Variants in RIPOR2 observed in about 807,000 individuals in gnomAD.
RIPOR2 encodes RHO family interacting cell polarization regulator 2.
A neutral mutation model predicts 114.5 loss-of-function variants in RIPOR2; 39 were observed. The observed-to-expected ratio is 0.34, with a 90% CI of 0.26 to 0.44. The LOEUF is 0.44. Ranked by LOEUF, RIPOR2 falls within the 20% of genes least tolerant of loss-of-function variation. RIPOR2 has a pLI of 1.00. For missense variants in RIPOR2, 1,007 were observed against 1,255.1 expected (o/e 0.80, Z 2.99); for synonymous variants, 445 against 484.4 (o/e 0.92, Z 1.07).
At chr6:24,868,915 C>T (rs1017541863) in intron 6 of RIPOR2, among the ~76,000 whole-genome samples, 179 bp downstream of exon 6, 1 of 152,188 alleles carries the variant, frequency 6.6e-6, no homozygotes, top group African/African-American at 2.4e-5. Flanking sequence ...GGCCATCAGG[C>T]CTTCCATTCT....
At chr6:24,958,931 G>A (rs1355724689) in intron 1 of RIPOR2, among the ~76,000 whole-genome samples, 3 of 145,912 alleles carry the variant, frequency 2.1e-5, no homozygotes, top group African/African-American at 7.7e-5. Flanking sequence ...TTGGTTTGTA[G>A]ATGCACCACT....
chr6:24,847,241 C>A (rs575634769), intron 12 of RIPOR2, among the ~76,000 whole-genome samples: 1 of 152,304 alleles, frequency 6.6e-6, no homozygotes, highest in South Asian at 2.1e-4. Context: ...GCGTGAGCCA[C>A]CATGCTGGGC....
chr6:24,848,713 A>G (rs1762561820), intron 11 of RIPOR2, among the ~76,000 whole-genome samples: 1 of 152,198 alleles, frequency 6.6e-6, no homozygotes, highest in Non-Finnish European at 1.5e-5. Flanking sequence ...CATGTGAGAC[A>G]TCAATGACTG....
intron 1 of RIPOR2, among the ~76,000 whole-genome samples, chr6:24,922,559 T>A (rs576752842): frequency 1.8e-4 from 28 of 151,826 alleles, no homozygotes; most frequent in Admixed American, 4.6e-4. Flanking sequence ...ACTCTTTTTT[T>A]AAAAAAAATG....
chr6:24,951,410 C>CAT (rs1772753539), intron 1 of RIPOR2, among the ~76,000 whole-genome samples: 1 of 152,170 alleles, frequency 6.6e-6, no homozygotes, highest in East Asian at 1.9e-4. Flanking sequence ...GCTGTCTTTG[C>CAT]ATGGTGTTGT....
chr6:24,835,500 G>C lies in RIPOR2; in HGVS notation c.2208+203C>G, dbSNP rs556508603. The stretch of plus-strand genomic sequence containing the variant: ...TGCCACCTACTACTGTGAAGGTCTG[G>C]AGAGTTAGGTTCGAAGATGAAAAAC... On this transcript the variant is annotated intron_variant, in intron 15 of 21. Transcript: ENST00000643898. 3.9e-5 allele frequency among the ~76,000 whole-genome samples: 6 copies of C among 152,272 alleles called. No individual in the cohort carries two copies. In the South Asian group the frequency reaches 1.2e-3, roughly 32 times the overall value.
intron 1 of RIPOR2, among the ~76,000 whole-genome samples, chr6:24,953,822 G>A (rs566482374): frequency 1.1e-4 from 17 of 152,234 alleles, no homozygotes; most frequent in Non-Finnish European, 1.8e-4. Context: ...CTGTCTCCTC[G>A]TCATCAAACC....
chr6:24,856,553 G>A lies in RIPOR2; in HGVS notation c.716-3935C>T, dbSNP rs76560957. ...GCGGATCACCTGAGGTCAGGAGTTC[G>A]TGACCAGCCTGGCTAACATGGAGAA... On this transcript the variant is annotated intron_variant, in intron 8 of 21. Coordinates refer to ENST00000643898, the MANE Select transcript of RIPOR2 (RefSeq NM_001286445.3). Among the ~76,000 whole-genome samples the A allele has an allele frequency of 3.9e-5, 6 of 152,092 alleles. No individual in the cohort carries two copies. The East Asian group carries it at 1.2e-3, about 29-fold the overall frequency.
At chr6:24,835,441 C>G (rs966110004) in intron 15 of RIPOR2, among the ~76,000 whole-genome samples, 2 of 152,000 alleles carry the variant, frequency 1.3e-5, no homozygotes, top group Non-Finnish European at 2.9e-5. Flanking sequence ...TTCTCAGGTA[C>G]TACCAAATGA....
intron 1 of RIPOR2, among the ~76,000 whole-genome samples, chr6:24,948,775 C>T (rs957662646): frequency 4.6e-4 from 70 of 152,326 alleles, no homozygotes; most frequent in African/African-American, 1.7e-3. Context: ...AGGTGATCCG[C>T]TCACCTTGGC....
intron 1 of RIPOR2, chr6:25,023,276 C>T (rs1776420101): frequency 5.3e-6 from 4 of 750,494 alleles, no homozygotes; most frequent in African/African-American, 1.7e-5. Context: ...GCTCTGCAGA[C>T]GATGATATTC....
At chr6:24,983,733 G>A (rs1476016488) in intron 1 of RIPOR2, among the ~76,000 whole-genome samples, 1 of 125,228 alleles carries the variant, frequency 8.0e-6, no homozygotes, top group African/African-American at 3.1e-5. Context: ...CTCCAGCCTG[G>A]GCAACAGAAC....
chr6:24,898,119 C>T (rs1581743157), intron 1 of RIPOR2, among the ~76,000 whole-genome samples: 1 of 151,950 alleles, frequency 6.6e-6, no homozygotes, highest in South Asian at 2.1e-4. Context: ...TAATGCTAGG[C>T]ACAAAATATG....
intron 1 of RIPOR2, chr6:25,023,901 G>T: frequency 1.4e-6 from 1 of 722,480 alleles, no homozygotes; most frequent in South Asian, 1.3e-5. Context: ...GGTTCTTGGG[G>T]TTCTCCAGGA....
At chr6:24,951,097 A>G (rs1208612604) in intron 1 of RIPOR2, among the ~76,000 whole-genome samples, 1 of 152,210 alleles carries the variant, frequency 6.6e-6, no homozygotes, top group Non-Finnish European at 1.5e-5. Flanking sequence ...GAGCGATCAG[A>G]GACTTTAGAA....
intron 1 of RIPOR2, among the ~76,000 whole-genome samples, chr6:25,036,715 C>T (rs115551952): frequency 2.6e-3 from 401 of 152,252 alleles, no homozygotes; most frequent in African/African-American, 8.8e-3. Context: ...TTTAAAGAGG[C>T]GAAACAAGTT....
rs1482277425 is a variant in RIPOR2, at chr6:25,037,848, G to A, written c.76+4003C>T. 6.6e-6 allele frequency among the ~76,000 whole-genome samples: 1 copy of A among 151,784 alleles called. No individual in the cohort carries two copies. The highest frequency in any genetic ancestry group is 1.5e-5 in the Non-Finnish European group (1 of 67,740). On this transcript the variant is annotated intron_variant, in intron 1 of 13. Coordinates refer to the RIPOR2 transcript ENST00000510784. This position sits in a 1 kb window ranked among gnomAD's most constrained non-coding sequence, Gnocchi z 4.5. ...CCAGGTATTTTACTAAGGGTTACAGGCATGCAGAGCTTATTAAGGATTTGT... is the reference window on the plus strand; with the variant it reads ...CCAGGTATTTTACTAAGGGTTACAGACATGCAGAGCTTATTAAGGATTTGT...
At chr6:24,861,731 T>C (rs894492044) in intron 7 of RIPOR2, among the ~76,000 whole-genome samples, 3 of 152,240 alleles carry the variant, frequency 2.0e-5, no homozygotes, top group Non-Finnish European at 2.9e-5. Context: ...CAGGTTAAAA[T>C]ACATATAGGG....
intron 1 of RIPOR2, among the ~76,000 whole-genome samples, chr6:24,891,556 T>C (rs1450257288): frequency 1.3e-5 from 2 of 151,674 alleles, no homozygotes; most frequent in Non-Finnish European, 2.9e-5. Context: ...AAGTACAATA[T>C]AGCATAAAGA....
Sources: gnomAD v4.1 joint callset for allele counts (sites outside exome capture counted in the v4.1 genomes callset) on GRCh38, gnomAD v4.1.1 for gene constraint, Gnocchi (gnomAD v3.1) non-coding constraint, MANE v1.5 for transcripts, NCBI Gene and HGNC (gene_info 2026-07-23, HGNC 2026-07-21) for gene names.